The following SLC7A6 variants were observed in gnomAD, a reference collection of about 807,000 sequenced individuals.
The protein encoded by SLC7A6 is solute carrier family 7 member 6, also known as Y+L amino acid transporter 2.
SLC7A6 carries 29 observed loss-of-function variants against 46.6 expected under a neutral mutation model. The ratio of observed to expected loss-of-function variants is 0.62; its 90% confidence interval spans 0.46 to 0.85. The LOEUF (loss-of-function observed/expected upper bound fraction) is 0.85, where lower values mean the gene tolerates loss of function less well. Among genes scored for constraint, SLC7A6 ranks in the 40% least tolerant of loss-of-function variants. The pLI is 0.00. For synonymous variants in SLC7A6, 276 were observed against 257.3 expected (o/e 1.07, Z -0.70); for missense variants, 527 against 647.6 (o/e 0.81, Z 2.02).
rs2043274254 is a variant in SLC7A6 at position 68,301,463 on chromosome 16, GC to G, written c.*4139del. ...GTGATTTTCCTAGGCTACTGCAGGA[GC>G]CCCTTCTCTTCTCAGAAAGGTCTGT... On this transcript the variant is annotated 3_prime_UTR_variant, in exon 11 of 11. Transcript: ENST00000219343. The G allele has an allele frequency of 6.7e-7, 1 of 1,500,156 alleles. No individual in the cohort carries two copies. Among genetic ancestry groups the G allele is most frequent in the Admixed American group, 1.8e-5 (1 of 55,982 alleles). The allele number at this position is 1,500,156 out of a possible 1,614,324, so 92.9% of individuals were successfully genotyped here.
rs926601079 is a variant in SLC7A6 at position 68,297,835 on chromosome 16, A to G, written c.*507A>G. On this transcript the variant is annotated 3_prime_UTR_variant, in exon 11 of 11. Transcript: ENST00000219343. ...GAGTTATATTCCCTTATTTATTGAT[A>G]TTTAGTCCAGAACACCAGTTCTAAC... 1 of 152,938 alleles carries G rather than the reference A, an allele frequency of 6.5e-6. No individual in the cohort carries two copies. Among genetic ancestry groups the G allele is most frequent in the Non-Finnish European group, 1.5e-5 (1 of 68,306 alleles). The allele number at this position is 152,938 out of a possible 1,614,324, so 9.5% of individuals were successfully genotyped here.
At position 68,275,096 on chromosome 16, in the gene SLC7A6, G is replaced by A. The variant is rs1353737860; in HGVS notation, c.370G>A (p.Ala124Thr). 1.9e-6 allele frequency: 3 copies of A among 1,614,140 alleles called. No individual in the cohort carries two copies. Among genetic ancestry groups the A allele is most frequent in the South Asian group, 2.2e-5 (2 of 91,078 alleles). Residue 124 changes from alanine to threonine, a missense_variant, in exon 3 of 11, where the codon GCC becomes ACC. Transcript: ENST00000219343. ...YILEAFGGFI[A>T]FIRLWVSLLV... The stretch of plus-strand genomic sequence containing the variant: ...TCTAGAGGCCTTTGGGGGCTTCATT[G>A]CCTTCATCCGCCTGTGGGTCTCACT...
rs1429591739 is a variant in SLC7A6 at position 68,301,650 on chromosome 16, T to A, written c.*4322T>A. The A allele has an allele frequency of 3.0e-5, 10 of 329,642 alleles. No homozygotes were observed. In the East Asian group the frequency reaches 5.4e-4, roughly 18 times the overall value. The allele number at this position is 329,642 out of a possible 1,614,324, so 20.4% of individuals were successfully genotyped here. ...TCCCCTCCGTGGAGTATTTTGTCAC[T>A]TCTCCCCTCCGTATAGGATTTTTTG... is the stretch of plus-strand genomic sequence containing the variant. On this transcript the variant is annotated 3_prime_UTR_variant, in exon 11 of 11. Coordinates refer to ENST00000219343, the MANE Select transcript of SLC7A6 (RefSeq NM_003983.6).
intron 3 of SLC7A6, chr16:68,287,347 T>A: frequency 7.7e-7 from 1 of 1,290,754 alleles, no homozygotes; most frequent in Non-Finnish European, 1.0e-6. Context: ...GCATTCAAAT[T>A]TACCTCACTT....
At position 68,301,509 on chromosome 16, in the gene SLC7A6, G is replaced by T; in HGVS notation, c.*4181G>T. 1.1e-6 allele frequency: 1 copy of T among 887,238 alleles called. No homozygotes were observed. The highest frequency in any genetic ancestry group is 1.7e-6 in the Non-Finnish European group (1 of 596,638). The allele number at this position is 887,238 out of a possible 1,614,324, so 55.0% of individuals were successfully genotyped here. On this transcript the variant is annotated 3_prime_UTR_variant, in exon 11 of 11. Coordinates refer to ENST00000219343, the MANE Select transcript of SLC7A6 (RefSeq NM_003983.6). Reference sequence around the variant, plus strand: ...GTCTGTTTTTGTTCCCGATTGTAATGCAAAATCCTTGCTCAATAAATAAAA... The same window carrying T: ...GTCTGTTTTTGTTCCCGATTGTAATTCAAAATCCTTGCTCAATAAATAAAA...
At chr16:68,288,519 GC>G (rs2042982568) in intron 4 of SLC7A6, among the ~76,000 whole-genome samples, 1 of 152,128 alleles carries the variant, frequency 6.6e-6, no homozygotes, top group Non-Finnish European at 1.5e-5. Flanking sequence ...GGTGTCTTTA[GC>G]CACAGATATC....
chr16:68,281,977 GAGA>G (rs1758837237), intron 3 of SLC7A6, among the ~76,000 whole-genome samples: 3 of 152,228 alleles, frequency 2.0e-5, no homozygotes, highest in Admixed American at 2.0e-4. Flanking sequence ...GCAGGAGGAA[GAGA>G]AGGAGGGAGA....
At chr16:68,275,695 C>T (rs1214686812) in intron 3 of SLC7A6, among the ~76,000 whole-genome samples, 4 of 151,448 alleles carry the variant, frequency 2.6e-5, no homozygotes, top group African/African-American at 9.7e-5. Flanking sequence ...AGTAATTTTA[C>T]CAGTCATTTG....
chr16:68,270,861 ATTT>A (rs11301249), intron 2 of SLC7A6, among the ~76,000 whole-genome samples: 6 of 142,890 alleles, frequency 4.2e-5, no homozygotes, highest in Admixed American at 7.0e-5. Flanking sequence ...TTTATATTGG[ATTT>A]TTTTTTTTTT....
Position 68,291,225 on chromosome 16 carries a change from A to G in SLC7A6, c.811A>G (p.Ile271Val), listed in dbSNP as rs1389121218. Reference sequence around the variant, plus strand: ...TCCTGACAGAAATTTGCCCTTGGCCATTGGGATTTCTATGCCAATTGTGAC... The same window carrying G: ...TCCTGACAGAAATTTGCCCTTGGCCGTTGGGATTTCTATGCCAATTGTGAC... ...KNPERNLPLA[I>V]GISMPIVTLI... The change falls in exon 6 of 11, where the codon ATT becomes GTT. Residue 271 changes from isoleucine (I) to valine (V), a missense_variant. Physicochemically the swap from Ile to Val is conservative, Grantham distance 29. Coordinates refer to ENST00000219343, the MANE Select transcript of SLC7A6 (RefSeq NM_003983.6). The G allele has an allele frequency of 6.2e-7, 1 of 1,614,246 alleles. No individual in the cohort carries two copies. Among genetic ancestry groups the G allele is most frequent in the South Asian group, 1.1e-5 (1 of 91,090 alleles).
At chr16:68,294,967 T>C (rs544181106) in intron 8 of SLC7A6, 166 bp downstream of exon 8, 1 of 551,760 alleles carries the variant, frequency 1.8e-6, no homozygotes, top group African/African-American at 1.9e-5. Context: ...TTATTACGTT[T>C]AATTTTGGAT....
rs745484818 is a variant in SLC7A6, at chr16:68,274,755, C to T, written c.29C>T (p.Thr10Ile). 2 of 1,614,202 alleles carry T rather than the reference C, an allele frequency of 1.2e-6. No individual in the cohort carries two copies. Among genetic ancestry groups the T allele is most frequent in the Non-Finnish European group, 1.7e-6 (2 of 1,180,028 alleles). Residue 10 changes from threonine to isoleucine, a missense_variant, in exon 3 of 11, where the codon ACA becomes ATA. Coordinates refer to ENST00000219343, the MANE Select transcript of SLC7A6 (RefSeq NM_003983.6). ...GAAGCCAGGGAGCCTGGGAGGCCCA[C>T]ACCCACCTACCATCTTGTCCCTAAC... is the stretch of plus-strand genomic sequence containing the variant. Reference protein sequence around the residue: MEAREPGRPTPTYHLVPNTS... With the variant: MEAREPGRPIPTYHLVPNTS...
At position 68,300,563 on chromosome 16, in the gene SLC7A6, C is replaced by G. The variant is rs146811969; in HGVS notation, c.*3235C>G. 2.1e-6 allele frequency: 2 copies of G among 947,516 alleles called. No individual in the cohort carries two copies. The highest frequency in any genetic ancestry group is 6.2e-5 in the Admixed American group (1 of 16,204). The allele number at this position is 947,516 out of a possible 1,614,324, so 58.7% of individuals were successfully genotyped here. A position where few individuals can be genotyped will look rare whatever the true frequency, so the allele number is the denominator to read the frequency against. On this transcript the variant is annotated 3_prime_UTR_variant, in exon 11 of 11. Transcript: ENST00000219343. Reference sequence around the variant, plus strand: ...AATGCTGAACCTTCTATTTCACTACCGCTCCCTGTTTTAGATATTCAGATT... The same window carrying G: ...AATGCTGAACCTTCTATTTCACTACGGCTCCCTGTTTTAGATATTCAGATT...
At chr16:68,283,472 T>A (rs1326343579) in intron 3 of SLC7A6, among the ~76,000 whole-genome samples, 1 of 152,080 alleles carries the variant, frequency 6.6e-6, no homozygotes, top group East Asian at 1.9e-4. Context: ...TTTGCATACA[T>A]CCCGGGAGAA....
At position 68,291,502 on chromosome 16, in the gene SLC7A6, CAGG is replaced by C. The variant is rs976041828; in HGVS notation, c.919-51_919-49del. On this transcript the variant is annotated intron_variant, in intron 6 of 10. Coordinates refer to ENST00000219343, the MANE Select transcript of SLC7A6 (RefSeq NM_003983.6). ...TGCATTTGTTCCGAGATCATAGATG[CAGG>C]AGGATTATGAAACCCTGTGCGTTTA... 5.5e-5 allele frequency: 87 copies of C among 1,591,294 alleles called. No individual in the cohort carries two copies. In the African/African-American group the frequency reaches 9.1e-4, roughly 17 times the overall value.
chr16:68,295,986 G>A (rs753975116), intron 8 of SLC7A6, among the ~76,000 whole-genome samples: 2 of 152,094 alleles, frequency 1.3e-5, no homozygotes, highest in Non-Finnish European at 2.9e-5. Flanking sequence ...TTCTGAAGGC[G>A]TTTCCCCCAT....
At chr16:68,290,862 A>G in intron 5 of SLC7A6, 1 of 478,068 alleles carries the variant, frequency 2.1e-6, no homozygotes, top group Non-Finnish European at 3.8e-6. Flanking sequence ...CCGCAGAACC[A>G]AAACTTATTC....
intron 8 of SLC7A6, 142 bp downstream of exon 8, chr16:68,294,943 ATTCT>A: frequency 1.7e-6 from 1 of 603,048 alleles, no homozygotes; most frequent in Non-Finnish European, 2.9e-6. Context: ...TTGTCATTTA[ATTCT>A]TTTATGGTTT....
intron 1 of SLC7A6, among the ~76,000 whole-genome samples, chr16:68,265,062 G>A (rs2042505847): frequency 2.6e-5 from 4 of 152,220 alleles, no homozygotes; most frequent in Non-Finnish European, 5.9e-5. Flanking sequence ...CCGCGGTGGG[G>A]CAAAGAAAGA....
Sources: gnomAD v4.1 joint callset for allele counts (sites outside exome capture counted in the v4.1 genomes callset) on GRCh38, gnomAD v4.1.1 for gene constraint, MANE v1.5 for transcripts, NCBI Gene and HGNC (gene_info 2026-07-23, HGNC 2026-07-21) for gene names.